ADGRV1: variants seen among roughly 807,000 people sequenced by gnomAD.
ADGRV1 encodes G-protein coupled receptor 98.
ADGRV1 carries 359 observed loss-of-function variants against 596.2 expected under a neutral mutation model. The observed-to-expected ratio is 0.60, with a 90% confidence interval of 0.55 to 0.66. The LOEUF (loss-of-function observed/expected upper bound fraction) is 0.66. ADGRV1 is among the 30% of genes least tolerant of loss of function. The pLI is 0.00. For synonymous variants in ADGRV1, 2,681 were observed against 2,679.2 expected (o/e 1.00, Z -0.02); for missense variants, 7,274 against 7,575.6 (o/e 0.96, Z 1.48).
intron 85 of ADGRV1, among the ~76,000 whole-genome samples, chr5:91,048,458 C>T (rs912355743): frequency 3.3e-5 from 5 of 152,206 alleles, no homozygotes; most frequent in Admixed American, 1.3e-4. Flanking sequence ...GCCAGCCTCT[C>T]TCTCACACTG....
intron 85 of ADGRV1, among the ~76,000 whole-genome samples, chr5:91,038,815 A>G (rs368161756): frequency 2.6e-5 from 4 of 152,172 alleles, no homozygotes; most frequent in East Asian, 1.9e-4. Context: ...ACCTCAATAT[A>G]CAGGTAGTTT....
At chr5:91,147,158 C>T (rs1258212641) in intron 87 of ADGRV1, among the ~76,000 whole-genome samples, 1 of 122,682 alleles carries the variant, frequency 8.2e-6, no homozygotes, top group Non-Finnish European at 1.6e-5. Flanking sequence ...GTCTGGGTGA[C>T]ACAGCAAGAC....
chr5:90,898,571 T>C (rs1771537390), intron 83 of ADGRV1, among the ~76,000 whole-genome samples: 1 of 152,178 alleles, frequency 6.6e-6, no homozygotes, highest in African/African-American at 2.4e-5. Flanking sequence ...GTTTTCCTTC[T>C]GAATGAACAG....
At chr5:90,834,488 T>A (rs1367245172) in intron 77 of ADGRV1, among the ~76,000 whole-genome samples, 2 of 152,200 alleles carry the variant, frequency 1.3e-5, no homozygotes, top group South Asian at 2.1e-4. Context: ...AGGTTTCCAC[T>A]GAAAAGTTTG....
chr5:90,967,087 G>A (rs1778538918), intron 84 of ADGRV1, among the ~76,000 whole-genome samples: 1 of 152,134 alleles, frequency 6.6e-6, no homozygotes, highest in African/African-American at 2.4e-5. Context: ...GCTCAAGGAA[G>A]GGTTGTTTTC....
chr5:90,601,273 G>A (rs987024759), intron 1 of ADGRV1, among the ~76,000 whole-genome samples: 2 of 151,126 alleles, frequency 1.3e-5, no homozygotes, highest in South Asian at 4.2e-4. Flanking sequence ...ACGAATTCTT[G>A]TAAATAAGCC....
chr5:90,601,122 C>T (rs1761352136), intron 1 of ADGRV1, among the ~76,000 whole-genome samples: 1 of 152,088 alleles, frequency 6.6e-6, no homozygotes, highest in African/African-American at 2.4e-5. Flanking sequence ...CCTGTAATCC[C>T]AGCTACTCAG....
chr5:90,640,955 A>G (rs1766894354), intron 11 of ADGRV1: 1 of 152,630 alleles, frequency 6.6e-6, no homozygotes, highest in African/African-American at 2.4e-5. Flanking sequence ...GCTGTTCTGC[A>G]TGATTACAGG....
chr5:91,064,746 A>T (rs1166332090), intron 85 of ADGRV1, among the ~76,000 whole-genome samples: 1 of 152,212 alleles, frequency 6.6e-6, no homozygotes, highest in East Asian at 1.9e-4. Context: ...TTCCTACCTT[A>T]CAACTGTTTA....
At chr5:90,933,119 C>A (rs1171689020) in intron 83 of ADGRV1, among the ~76,000 whole-genome samples, 1 of 152,150 alleles carries the variant, frequency 6.6e-6, no homozygotes, top group Non-Finnish European at 1.5e-5. Flanking sequence ...CTGGTCCCAT[C>A]AATTCATTCA....
At chr5:90,823,684 A>G (rs2150302532) in intron 76 of ADGRV1, 88 bp downstream of exon 76, 2 of 1,148,806 alleles carry the variant, frequency 1.7e-6, no homozygotes, top group Non-Finnish European at 2.5e-6. Flanking sequence ...AAACTTACAC[A>G]TTGTTGATAG....
chr5:90,810,532 A>G lies in ADGRV1; in HGVS notation c.15272A>G (p.Tyr5091Cys). 1 of 1,613,704 alleles carries G rather than the reference A, an allele frequency of 6.2e-7. No homozygotes were observed. The highest frequency in any genetic ancestry group is 8.5e-7 in the Non-Finnish European group (1 of 1,179,632). ...DQLSEIEEFF[Y>C]INLTSVEIRG... ...CTTTCTGAGATAGAAGAATTTTTTTACATTAACCTTACTTCAGTAGAAATT... is the reference window on the plus strand; with the variant it reads ...CTTTCTGAGATAGAAGAATTTTTTTGCATTAACCTTACTTCAGTAGAAATT... The change falls in exon 74 of 90, where the codon TAC becomes TGC. Residue 5091 changes from tyrosine (Y) to cysteine (C), a missense_variant. Coordinates refer to ENST00000405460, the MANE Select transcript of ADGRV1 (RefSeq NM_032119.4).
Position 90,745,583 on chromosome 5 carries a change from T to C in ADGRV1, c.10770-8T>C. The C allele has an allele frequency of 6.3e-7, 1 of 1,594,368 alleles. No individual in the cohort carries two copies. The highest frequency in any genetic ancestry group is 8.6e-7 in the Non-Finnish European group (1 of 1,165,436). ...GTTGACTTATTTTGTATATGCTTCT[T>C]ATGGTAGTTCAGGTGAACTGATATT... On this transcript the variant is annotated splice_polypyrimidine_tract_variant and splice_region_variant and intron_variant, in intron 51 of 89. Transcript: ENST00000405460.
chr5:90,800,909 CTT>C (rs1342450374), intron 70 of ADGRV1, among the ~76,000 whole-genome samples: 8 of 151,880 alleles, frequency 5.3e-5, no homozygotes, highest in African/African-American at 1.9e-4. Flanking sequence ...ACATCACACA[CTT>C]GGGGCCTGTC....
chr5:90,631,037 A>T (rs1025498403), intron 9 of ADGRV1, among the ~76,000 whole-genome samples: 2 of 152,160 alleles, frequency 1.3e-5, no homozygotes, highest in African/African-American at 4.8e-5. Context: ...ATGTAAGGTA[A>T]ACTTTTTGAG....
intron 21 of ADGRV1, among the ~76,000 whole-genome samples, chr5:90,671,218 GA>G (rs1245131477): frequency 6.6e-6 from 1 of 152,190 alleles, no homozygotes; most frequent in African/African-American, 2.4e-5. Context: ...CAGGCAGCAG[GA>G]GGTAAAAGTG....
At chr5:91,036,039 A>G (rs1040838200) in intron 85 of ADGRV1, among the ~76,000 whole-genome samples, 1 of 151,518 alleles carries the variant, frequency 6.6e-6, no homozygotes, top group African/African-American at 2.4e-5. Context: ...GATGTTAAAA[A>G]TATACTTAAT....
chr5:90,698,992 A>G (rs1008013537), intron 34 of ADGRV1, among the ~76,000 whole-genome samples: 3 of 152,100 alleles, frequency 2.0e-5, no homozygotes, highest in African/African-American at 7.2e-5. Flanking sequence ...TTAAAGGAGT[A>G]TTGGGGATAG....
chr5:91,035,314 G>C (rs1465612899), intron 85 of ADGRV1, among the ~76,000 whole-genome samples: 1 of 152,088 alleles, frequency 6.6e-6, no homozygotes, highest in Non-Finnish European at 1.5e-5. Flanking sequence ...TCTTTGTCTT[G>C]AGGCCCATTC....
Sources: gnomAD v4.1 joint callset for allele counts (sites outside exome capture counted in the v4.1 genomes callset) on GRCh38, gnomAD v4.1.1 for gene constraint, MANE v1.5 for transcripts, NCBI Gene and HGNC (gene_info 2026-07-23, HGNC 2026-07-21) for gene names.